KATNAL2: variants seen among roughly 807,000 people sequenced by gnomAD.
KATNAL2 encodes the protein katanin catalytic subunit A1 like 2.
In KATNAL2, 52 loss-of-function variants were observed where a neutral mutation model predicts 76.3. The observed-to-expected ratio is 0.68, with a 90% CI of 0.55 to 0.86. KATNAL2 has a LOEUF of 0.86. Ranked by LOEUF, KATNAL2 falls within the 40% of genes least tolerant of loss-of-function variation. KATNAL2 has a pLI of 0.00. For synonymous variants in KATNAL2, 243 were observed against 244.2 expected (o/e 1.00, Z 0.05); for missense variants, 660 against 668.9 (o/e 0.99, Z 0.15).
At chr18:47,061,866 T>TA (rs71297064) in intron 8 of KATNAL2, among the ~76,000 whole-genome samples, 52,307 of 138,150 alleles carry the variant, frequency 0.38, 9,422 homozygotes, top group East Asian at 0.56. Flanking sequence ...TTATTATTAT[T>TA]TTTTTTTTTG....
rs779458997 is a variant in KATNAL2, at chr18:47,033,988, G to A, written c.52-12469G>A. The A allele has an allele frequency of 3.9e-5, 63 of 1,613,566 alleles. 1 individual carries two copies. The highest frequency in any genetic ancestry group is 5.2e-5 in the Non-Finnish European group (61 of 1,180,040). On this transcript the variant is annotated intron_variant, in intron 3 of 17. Transcript: ENST00000683218. ...CTGGACAGGAGGCAATTTCTTAGCC[G>A]AATCCCAGGACTCACGAGTGCCCTT...
Position 46,955,132 on chromosome 18 carries a change from TTC to T in KATNAL2, c.51+8219_51+8220del, listed in dbSNP as rs200821465. On this transcript the variant is annotated intron_variant, in intron 3 of 17. Coordinates refer to ENST00000683218, the MANE Select transcript of KATNAL2 (RefSeq NM_001387690.1). ...CTTCCTTCCTTTTGTCTTTCTTTCT[TTC>T]TCTCTCTCTTTCTTTCTTTCTTTCT... Among the ~76,000 whole-genome samples, 57 of 131,788 alleles carry T rather than the reference TTC, an allele frequency of 4.3e-4. 1 individual carries two copies. Among genetic ancestry groups the T allele is most frequent in the African/African-American group, 1.3e-3 (46 of 34,382 alleles). The allele number at this position is 131,788 out of a possible 152,430, so 86.5% of individuals were successfully genotyped here. A position where few individuals can be genotyped will look rare whatever the true frequency, so the allele number is the denominator to read the frequency against.
chr18:46,958,815 C>T (rs866714460), intron 3 of KATNAL2, among the ~76,000 whole-genome samples: 5 of 152,142 alleles, frequency 3.3e-5, no homozygotes, highest in South Asian at 4.1e-4. Flanking sequence ...AGTCAATGCA[C>T]GATAATGGTT....
At chr18:46,935,845 G>A (rs1230569596) in intron 1 of KATNAL2, among the ~76,000 whole-genome samples, 2 of 152,068 alleles carry the variant, frequency 1.3e-5, no homozygotes, top group Non-Finnish European at 2.9e-5. Flanking sequence ...GAACCTGGGA[G>A]GCAGAGGTTG....
chr18:47,040,055 G>T (rs2060911086), intron 3 of KATNAL2, among the ~76,000 whole-genome samples: 1 of 152,148 alleles, frequency 6.6e-6, no homozygotes, highest in African/African-American at 2.4e-5. Flanking sequence ...ATATGAAATG[G>T]ATTAGCTTTA....
Position 47,067,129 on chromosome 18 carries a change from G to T in KATNAL2, c.825+10G>T. 1 of 1,460,386 alleles carries T rather than the reference G, an allele frequency of 6.8e-7. No individual in the cohort carries two copies. The highest frequency in any genetic ancestry group is 9.4e-7 in the Non-Finnish European group (1 of 1,059,510). 90.5% of individuals were successfully genotyped at this position (1,460,386 alleles called of 1,614,324 possible). On this transcript the variant is annotated intron_variant, in intron 11 of 17. Coordinates refer to ENST00000683218, the MANE Select transcript of KATNAL2 (RefSeq NM_001387690.1). Reference sequence around the variant, plus strand: ...TGTGTATCCTATAAGGGTAAGGACGGGAAGCCTCTTGGGGGTTATTTCTGT... The same window carrying T: ...TGTGTATCCTATAAGGGTAAGGACGTGAAGCCTCTTGGGGGTTATTTCTGT...
At chr18:47,043,333 A>G (rs1234721356) in intron 3 of KATNAL2, among the ~76,000 whole-genome samples, 1 of 152,110 alleles carries the variant, frequency 6.6e-6, no homozygotes, top group Non-Finnish European at 1.5e-5. Flanking sequence ...TTTTCAAGCT[A>G]TCAAGCTTAA....
At chr18:46,934,614 T>G (rs1171168268) in intron 1 of KATNAL2, among the ~76,000 whole-genome samples, 1 of 152,248 alleles carries the variant, frequency 6.6e-6, no homozygotes, top group Non-Finnish European at 1.5e-5. Flanking sequence ...TTCACTCTGA[T>G]GCTAGTTTCT....
chr18:47,084,498 A>AC (rs975213249), intron 15 of KATNAL2: 37 of 673,596 alleles, frequency 5.5e-5, no homozygotes, highest in Non-Finnish European at 8.9e-5. Flanking sequence ...TTCAGGAGAT[A>AC]CCAAGTTAAA....
intron 8 of KATNAL2, among the ~76,000 whole-genome samples, chr18:47,062,382 GA>G (rs779449087): frequency 2.5e-3 from 341 of 136,308 alleles, no homozygotes; most frequent in African/African-American, 3.6e-3. Context: ...TCTCTTAAAG[GA>G]AAAAAAAAAA....
At position 46,931,137 on chromosome 18, in the gene KATNAL2, AAT is replaced by A. The variant is rs1257749242; in HGVS notation, c.-510+13213_-510+13214del. 3.3e-3 allele frequency among the ~76,000 whole-genome samples: 454 copies of A among 139,298 alleles called. 6 individuals are homozygous for A. Among genetic ancestry groups the A allele is most frequent in the African/African-American group, 8.5e-3 (313 of 36,948 alleles). The allele number at this position is 139,298 out of a possible 152,430, so 91.4% of individuals were successfully genotyped here. The stretch of plus-strand genomic sequence containing the variant: ...TAATAATAATAATAATAATAATAAT[AAT>A]AAATAAATAAATTAGCCAGGCGTGG... On this transcript the variant is annotated intron_variant, in intron 1 of 17. Coordinates refer to ENST00000683218, the MANE Select transcript of KATNAL2 (RefSeq NM_001387690.1).
At chr18:46,948,888 T>TTGTGTGTGTG (rs71264810) in intron 3 of KATNAL2, among the ~76,000 whole-genome samples, 5,162 of 145,818 alleles carry the variant, frequency 0.035, 168 homozygotes, top group African/African-American at 0.081. Flanking sequence ...AGTATCTGCA[T>TTGTGTGTGTG]TGTGTGTGTG....
At position 47,035,014 on chromosome 18, in the gene KATNAL2, C is replaced by G. The variant is rs61747013; in HGVS notation, c.52-11443C>G. ...CTCCTCAGGGTCCTGTGGGCCAGGCCGGGTGTTTCGGTCCACGAGCACCAG... is the reference window on the plus strand; with the variant it reads ...CTCCTCAGGGTCCTGTGGGCCAGGCGGGGTGTTTCGGTCCACGAGCACCAG... On this transcript the variant is annotated intron_variant, in intron 3 of 17. Transcript: ENST00000683218. 5,246 of 1,611,512 alleles carry G rather than the reference C, an allele frequency of 3.3e-3. 149 individuals are homozygous for G. In the African/African-American group the frequency reaches 0.063, roughly 19 times the overall value.
At chr18:47,045,807 AC>A (rs910195780) in intron 3 of KATNAL2, among the ~76,000 whole-genome samples, 8 of 152,354 alleles carry the variant, frequency 5.3e-5, no homozygotes, top group Admixed American at 5.2e-4. Context: ...TTTTGTGAAT[AC>A]ATTTTGGGGC....
In KATNAL2 at chr18:47,085,365, T is replaced by A. The variant is rs2062724114; in HGVS notation, c.1211+7904T>A. 2.0e-5 allele frequency among the ~76,000 whole-genome samples: 3 copies of A among 151,846 alleles called. No individual in the cohort carries two copies. The South Asian group carries it at 6.2e-4, about 32-fold the overall frequency. On this transcript the variant is annotated intron_variant, in intron 15 of 17. Transcript: ENST00000683218. ...TTCCTGGGCTCAAGCCAAGCTAACT[T>A]TGGGAGACATTTCGTTTATAGTTTA...
At chr18:47,038,776 A>G (rs2060864629) in intron 3 of KATNAL2, among the ~76,000 whole-genome samples, 1 of 152,246 alleles carries the variant, frequency 6.6e-6, no homozygotes, top group African/African-American at 2.4e-5. Context: ...AAGTATAGAC[A>G]ATAGTTAAGG....
At chr18:47,032,782 A>G (rs1233776761) in intron 3 of KATNAL2, 3 of 773,306 alleles carry the variant, frequency 3.9e-6, no homozygotes, top group East Asian at 5.4e-5. Context: ...CAATGCGTTC[A>G]TATCTTCTGA....
At chr18:47,056,086 AAAG>A (rs1227276664) in intron 6 of KATNAL2, among the ~76,000 whole-genome samples, 1 of 152,238 alleles carries the variant, frequency 6.6e-6, no homozygotes, top group East Asian at 1.9e-4. Flanking sequence ...ATCCCCACTT[AAAG>A]ATTTGCTGAT....
chr18:46,952,299 C>A lies in KATNAL2; in HGVS notation c.51+5376C>A, dbSNP rs191891673. Among the ~76,000 whole-genome samples the A allele has an allele frequency of 7.2e-3, 1,086 of 151,674 alleles. 7 individuals are homozygous for A. Among genetic ancestry groups the A allele is most frequent in the Non-Finnish European group, 0.011 (758 of 67,936 alleles). Reference sequence around the variant, plus strand: ...TATGTTGCACAGGCTGGTTTCAAACCCCTGGCCTCAAGTGATCTTCCCCCA... The same window carrying A: ...TATGTTGCACAGGCTGGTTTCAAACACCTGGCCTCAAGTGATCTTCCCCCA... On this transcript the variant is annotated intron_variant, in intron 3 of 17. Transcript: ENST00000683218.
Sources: allele counts gnomAD v4.1 joint callset (sites outside exome capture counted in the v4.1 genomes callset), GRCh38; gene constraint gnomAD v4.1.1; transcripts MANE v1.5; gene names NCBI Gene and HGNC (gene_info 2026-07-23, HGNC 2026-07-21).